MYCBPAP: variants seen among roughly 807,000 people sequenced by gnomAD.
MYCBPAP encodes the protein MYCBP associated protein.
A neutral mutation model predicts 106.1 loss-of-function variants in MYCBPAP; 60 were observed. The ratio of observed to expected loss-of-function variants is 0.57; its 90% CI spans 0.46 to 0.70. The LOEUF (loss-of-function observed/expected upper bound fraction) is 0.70. MYCBPAP is among the 30% of genes least tolerant of loss of function. The pLI is 0.00. For missense variants in MYCBPAP, 1,064 were observed against 1,169.3 expected, an observed-to-expected ratio of 0.91 and a Z score of 1.31; for synonymous variants, 407 against 440.6, an observed-to-expected ratio of 0.92 and a Z score of 0.95.
rs2034403281 is a variant in MYCBPAP at position 50,524,889 on chromosome 17, G to T, written c.1648G>T (p.Ala550Ser). Residue 550 changes from alanine (A) to serine (S), a missense_variant, in exon 13 of 19, where the codon GCC becomes TCC. Transcript: ENST00000323776. ...TTCCCTTTTGCAGAGCAAGCTGACTGCCCATGAGGCAGTCACCGTCGTTCG... is the reference window on the plus strand; with the variant it reads ...TTCCCTTTTGCAGAGCAAGCTGACTTCCCATGAGGCAGTCACCGTCGTTCG... Reference protein sequence around the residue: ...ERKVLESKLTAHEAVTVVREV... With the variant: ...ERKVLESKLTSHEAVTVVREV... 6.2e-7 allele frequency: 1 copy of T among 1,613,688 alleles called. No homozygotes were observed. The highest frequency in any genetic ancestry group is 1.3e-5 in the African/African-American group (1 of 74,934).
Position 50,518,987 on chromosome 17 carries a change from G to A in MYCBPAP, c.666G>A (p.Lys222=). 6.2e-7 allele frequency: 1 copy of A among 1,614,020 alleles called. No individual in the cohort carries two copies. Among genetic ancestry groups the A allele is most frequent in the Non-Finnish European group, 8.5e-7 (1 of 1,179,990 alleles). Residue 222 remains lysine (K), a synonymous_variant, in exon 6 of 19, where the codon AAG becomes AAA. Coordinates refer to ENST00000323776, the MANE Select transcript of MYCBPAP (RefSeq NM_032133.6). ...QQEALSEHLK[K]PVSELLMHTG... is the part of the protein sequence containing the mutation. ...CTCTCTCTCTAGAACACCTAAAGAA[G>A]CCAGTGAGTGAGCTGCTCATGCACA...
At chr17:50,509,367 G>A in intron 1 of MYCBPAP, 1 of 536,110 alleles carries the variant, frequency 1.9e-6, no homozygotes, top group Non-Finnish European at 3.4e-6. Context: ...AGATATGACT[G>A]CTTCCTACCC....
At position 50,517,611 on chromosome 17, in the gene MYCBPAP, C is replaced by T. The variant is rs148984098; in HGVS notation, c.381C>T (p.Phe127=). The T allele has an allele frequency of 3.7e-5, 59 of 1,614,070 alleles. No individual in the cohort carries two copies. Among genetic ancestry groups the T allele is most frequent in the East Asian group, 6.7e-5 (3 of 44,896 alleles). ...TCCTCCCAGGTCCCGGTGACAGCTT[C>T]GATGGCAGTGACCAGATCCTGCCCC... ...PLDYSGPGDS[F]DGSDQILPHH... Residue 127 remains phenylalanine (F), a synonymous_variant, in exon 4 of 19, where the codon TTC becomes TTT. Transcript: ENST00000323776.
intron 18 of MYCBPAP, chr17:50,529,957 A>G (rs1460952829): frequency 2.3e-6 from 1 of 426,682 alleles, no homozygotes; most frequent in Non-Finnish European, 4.8e-6. Flanking sequence ...CCACAAAGCC[A>G]TTTTCAATAT....
chr17:50,522,734 T>G, intron 10 of MYCBPAP: 1 of 187,552 alleles, frequency 5.3e-6, no homozygotes, highest in Non-Finnish European at 9.3e-6. Flanking sequence ...ATTTGTTTTA[T>G]CTTCTCTTCT....
intron 10 of MYCBPAP, 65 bp from the exon 11 acceptor site, chr17:50,522,874 A>G (rs2034326099): frequency 1.2e-5 from 18 of 1,518,104 alleles, no homozygotes; most frequent in Non-Finnish European, 1.5e-5. Context: ...TGGGCAGACC[A>G]GATGAGTTGT....
At position 50,518,685 on chromosome 17, in the gene MYCBPAP, AAC is replaced by A. The variant is rs758279606; in HGVS notation, c.617_618del (p.Thr206SerfsTer20). On this transcript the variant is annotated frameshift_variant, in exon 5 of 19. Coordinates refer to ENST00000323776, the MANE Select transcript of MYCBPAP (RefSeq NM_032133.6). LOFTEE classifies it high-confidence loss of function. ...QHNFLKNWQR[N>X]TALRKKQQEA... ...CAACTTTCTGAAAAACTGGCAGCGT[AAC>A]ACAGCCCTGCGGAAGAAGCAGCAGG... The A allele has an allele frequency of 5.6e-6, 9 of 1,602,946 alleles. No homozygotes were observed. The highest frequency in any genetic ancestry group is 2.2e-5 in the South Asian group (2 of 89,582).
intron 10 of MYCBPAP, chr17:50,522,709 A>AAAAAAAAAAAAAAAGATATATATATAT: frequency 4.0e-5 from 2 of 50,016 alleles, no homozygotes; most frequent in Non-Finnish European, 6.8e-5. Context: ...AAAAAAAAAA[A>AAAAAAAAAAAAAAAGATATATATATAT]ATATATATAT....
chr17:50,523,186 C>T (rs925110987), intron 11 of MYCBPAP, 58 bp downstream of exon 11: 52 of 1,547,348 alleles, frequency 3.4e-5, no homozygotes, highest in African/African-American at 5.5e-5. Flanking sequence ...TTTTGTCCTC[C>T]GTGAGACATC....
At chr17:50,526,379 C>T in intron 14 of MYCBPAP, 112 bp downstream of exon 14, 1 of 1,029,144 alleles carries the variant, frequency 9.7e-7, no homozygotes, top group South Asian at 2.0e-5. Flanking sequence ...AACCTGAGAG[C>T]CCAGAGAAAG....
chr17:50,523,150 A>G (rs200428389), intron 11 of MYCBPAP, 22 bp downstream of exon 11: 118 of 1,608,576 alleles, frequency 7.3e-5, no homozygotes, highest in Non-Finnish European at 9.1e-5. Flanking sequence ...AAGCCACCCT[A>G]TGTGCTAGCT....
intron 1 of MYCBPAP, chr17:50,509,340 G>T: frequency 1.7e-6 from 1 of 573,238 alleles, no homozygotes; most frequent in South Asian, 2.0e-5. Context: ...AGCTCCTTTA[G>T]CCTGGAAAGA....
Position 50,528,771 on chromosome 17 carries a change from C to A in MYCBPAP, c.2484C>A (p.Ala828=). The change falls in exon 17 of 19, where the codon GCC becomes GCA. Residue 828 remains alanine (A), a synonymous_variant. Transcript: ENST00000323776. ...GGAAGGAGGAGCGGAAAGGAGCAGC[C>A]CAGGAAAAGAAGCAACTGGGGATCA... The part of the protein sequence containing the change: ...KAGKEERKGA[A]QEKKQLGIKD... 2 of 1,613,976 alleles carry A rather than the reference C, an allele frequency of 1.2e-6. No homozygotes were observed. Among genetic ancestry groups the A allele is most frequent in the Non-Finnish European group, 1.7e-6 (2 of 1,180,000 alleles).
chr17:50,521,909 T>C, intron 9 of MYCBPAP, 64 bp from the exon 10 acceptor site: 3 of 1,483,700 alleles, frequency 2.0e-6, no homozygotes, highest in Non-Finnish European at 2.8e-6. Context: ...ACCGTTTCTG[T>C]GGGGTTCCAC....
Position 50,523,790 on chromosome 17 carries a change from G to T in MYCBPAP, c.1635+6G>T, listed in dbSNP as rs1221513123. The T allele has an allele frequency of 3.1e-6, 5 of 1,611,430 alleles. No homozygotes were observed. The highest frequency in any genetic ancestry group is 3.4e-6 in the Non-Finnish European group (4 of 1,178,472). ...ATGAGAGGAAAGTACTGGAGGTAAG[G>T]GACCCAGGACCATGGCCCCTGTGGA... On this transcript the variant is annotated splice_donor_region_variant and intron_variant, in intron 12 of 18. Transcript: ENST00000323776.
rs2034284064 is a variant in MYCBPAP, at chr17:50,522,193, G to A, written c.1257+112G>A. On this transcript the variant is annotated intron_variant, in intron 10 of 18. Transcript: ENST00000323776. ...AGTCTCCTGTTTGGGTTTTTATCTG[G>A]TCGTGCATTCAGCACGTCTGAAAAT... The A allele has an allele frequency of 1.0e-5, 8 of 762,410 alleles. No homozygotes were observed. The South Asian group carries it at 1.1e-4, about 11-fold the overall frequency. The allele number at this position is 762,410 out of a possible 1,614,324, so 47.2% of individuals were successfully genotyped here.
intron 1 of MYCBPAP, 23 bp from the exon 2 acceptor site, chr17:50,516,547 A>G (rs771214016): frequency 1.9e-6 from 3 of 1,611,558 alleles, no homozygotes; most frequent in Middle Eastern, 1.7e-4. Flanking sequence ...TTAAGGACTT[A>G]ATAACTTTCT....
At chr17:50,530,237 TA>T in intron 18 of MYCBPAP, 1 of 436,714 alleles carries the variant, frequency 2.3e-6, no homozygotes, top group South Asian at 1.6e-5. Flanking sequence ...CTCGTGCCTG[TA>T]ATCCCAGCAC....
At chr17:50,524,843 G>C (rs1402984543) in intron 12 of MYCBPAP, 34 bp from the exon 13 acceptor site, 1 of 1,605,870 alleles carries the variant, frequency 6.2e-7, no homozygotes, top group Non-Finnish European at 8.5e-7. Context: ...TTGATAGCCT[G>C]GGCTGCCATC....
Sources: allele counts gnomAD v4.1 joint callset, GRCh38; gene constraint gnomAD v4.1.1; transcripts MANE v1.5; gene names NCBI Gene and HGNC (gene_info 2026-07-23, HGNC 2026-07-21).